The following ENPP3 variants were observed in gnomAD, a reference collection of about 807,000 sequenced individuals.
ENPP3 encodes the protein ectonucleotide pyrophosphatase/phosphodiesterase 3.
ENPP3 carries 104 observed loss-of-function variants against 117.8 expected under a neutral mutation model. The observed-to-expected ratio is 0.88, with a 90% CI of 0.75 to 1.04. The LOEUF is 1.04. ENPP3 is among the 50% of genes least tolerant of loss of function. The probability of loss-of-function intolerance (pLI) is 0.00; values close to 1 mark genes in which losing one functional copy is unlikely to be tolerated. For synonymous variants in ENPP3, 380 were observed against 349.9 expected (o/e 1.09, Z -0.96); for missense variants, 1,026 against 1,051.9 (o/e 0.98, Z 0.34).
chr6:131,736,362 C>T (rs1780396750), intron 21 of ENPP3, among the ~76,000 whole-genome samples: 1 of 152,190 alleles, frequency 6.6e-6, no homozygotes, highest in African/African-American at 2.4e-5. Flanking sequence ...CTGGCGATGC[C>T]TCACAATCAT....
chr6:131,679,051 T>TTCTTTCTTTCTTTCTA (rs1778958786), intron 11 of ENPP3, among the ~76,000 whole-genome samples: 1 of 126,034 alleles, frequency 7.9e-6, no homozygotes, highest in Non-Finnish European at 1.6e-5. Flanking sequence ...CTTTCTTTCT[T>TTCTTTCTTTCTTTCTA]TCTTTCTTTC....
rs372536386 is a variant in ENPP3, at chr6:131,718,769, T to G, written c.1479+31T>G. ...TTACTGCTTTTTTTTTTAACTTTTA[T>G]TTTAAGTTCAGGGGTACATGTACAG... is the stretch of plus-strand genomic sequence containing the variant. On this transcript the variant is annotated intron_variant, in intron 16 of 24. Transcript: ENST00000357639. 211 of 1,414,408 alleles carry G rather than the reference T, an allele frequency of 1.5e-4. 1 individual carries two copies. The highest frequency in any genetic ancestry group is 8.8e-5 in the Admixed American group (5 of 57,082). The allele number at this position is 1,414,408 out of a possible 1,614,324, so 87.6% of individuals were successfully genotyped here.
chr6:131,656,494 A>G (rs1473554433), intron 5 of ENPP3, among the ~76,000 whole-genome samples: 2 of 152,168 alleles, frequency 1.3e-5, no homozygotes, highest in African/African-American at 4.8e-5. Context: ...TAGGCCGGGC[A>G]TGGTGGCTCA....
chr6:131,658,192 C>T (rs1266192301), intron 5 of ENPP3, 131 bp from the exon 6 acceptor site: 2 of 565,338 alleles, frequency 3.5e-6, no homozygotes, highest in South Asian at 2.2e-5. Context: ...TAAAAAATGA[C>T]AGTGTCTGGC....
Position 131,693,610 on chromosome 6 carries a change from G to GT in ENPP3, c.1399dup (p.Trp467LeufsTer5). 5 of 1,613,350 alleles carry GT rather than the reference G, an allele frequency of 3.1e-6. No individual in the cohort carries two copies. The highest frequency in any genetic ancestry group is 4.2e-6 in the Non-Finnish European group (5 of 1,179,696). ...AAGTTCATCTCTTTGTGGATCAACA[G>GT]TGGCTGGCTGTTAGGTTCGTGTATC... On this transcript the variant is annotated frameshift_variant, in exon 15 of 25. Coordinates refer to ENST00000357639, the MANE Select transcript of ENPP3 (RefSeq NM_005021.5). LOFTEE classifies it high-confidence loss of function.
chr6:131,650,701 T>C (rs1241707764), intron 3 of ENPP3, among the ~76,000 whole-genome samples: 1 of 152,180 alleles, frequency 6.6e-6, no homozygotes, highest in African/African-American at 2.4e-5. Flanking sequence ...CAAAAGAGAA[T>C]CCGCTCCATG....
chr6:131,680,983 G>C (rs561956915), intron 11 of ENPP3, among the ~76,000 whole-genome samples: 3 of 152,042 alleles, frequency 2.0e-5, no homozygotes, highest in African/African-American at 7.2e-5. Context: ...AAACTGTAAA[G>C]AGTCCAATGG....
rs552125259 is a variant in ENPP3 at position 131,662,214 on chromosome 6, C to T, written c.562+3794C>T. ...TTTGAAGATCGGTTGACCATATAGG[C>T]TTGGATTTATTGATTTATTTCTGAG... On this transcript the variant is annotated intron_variant, in intron 6 of 24. Coordinates refer to ENST00000357639, the MANE Select transcript of ENPP3 (RefSeq NM_005021.5). 2.2e-3 allele frequency among the ~76,000 whole-genome samples: 338 copies of T among 151,678 alleles called. 1 individual carries two copies. The highest frequency in any genetic ancestry group is 3.8e-3 in the South Asian group (18 of 4,784).
chr6:131,681,393 T>C (rs1246597142), intron 11 of ENPP3, among the ~76,000 whole-genome samples: 2 of 152,174 alleles, frequency 1.3e-5, no homozygotes, highest in East Asian at 1.9e-4. Context: ...CTATCAGGCT[T>C]GTAAAATTCC....
chr6:131,672,234 G>T (rs1778759887), intron 7 of ENPP3, among the ~76,000 whole-genome samples: 1 of 152,268 alleles, frequency 6.6e-6, no homozygotes, highest in East Asian at 1.9e-4. Flanking sequence ...TGTTTTAGCT[G>T]TCATACTATA....
chr6:131,661,014 T>C (rs185557734), intron 6 of ENPP3, among the ~76,000 whole-genome samples: 1,814 of 152,364 alleles, frequency 0.012, 18 homozygotes, highest in Non-Finnish European at 0.018. Flanking sequence ...TTATTTCACT[T>C]AGTATGTCTT....
chr6:131,646,500 G>T (rs1371105029), intron 2 of ENPP3, among the ~76,000 whole-genome samples: 1 of 151,956 alleles, frequency 6.6e-6, no homozygotes, highest in Non-Finnish European at 1.5e-5. Context: ...TATGTCTGTT[G>T]TCTCTGTGAT....
chr6:131,645,603 G>A (rs1326173231), intron 2 of ENPP3, among the ~76,000 whole-genome samples: 2 of 152,156 alleles, frequency 1.3e-5, no homozygotes. Context: ...ATGCATGAGA[G>A]AGATAACTTG....
chr6:131,720,595 T>A (rs1173152075), intron 17 of ENPP3, among the ~76,000 whole-genome samples: 1 of 152,184 alleles, frequency 6.6e-6, no homozygotes, highest in Non-Finnish European at 1.5e-5. Context: ...TTTATTTTCA[T>A]TTTTGAGATG....
intron 21 of ENPP3, 53 bp downstream of exon 21, chr6:131,733,776 A>T (rs1293456301): frequency 1.3e-6 from 2 of 1,579,336 alleles, no homozygotes; most frequent in African/African-American, 1.3e-5. Flanking sequence ...CATCAGCTGG[A>T]TGTGGGCATG....
At chr6:131,681,299 C>T (rs556881562) in intron 11 of ENPP3, among the ~76,000 whole-genome samples, 3 of 152,242 alleles carry the variant, frequency 2.0e-5, no homozygotes, top group Non-Finnish European at 4.4e-5. Flanking sequence ...GTTTCCTGAC[C>T]TTTACAACTG....
At position 131,733,716 on chromosome 6, in the gene ENPP3, T is replaced by C; in HGVS notation, c.2082T>C (p.Tyr694=). 1 of 1,613,984 alleles carries C rather than the reference T, an allele frequency of 6.2e-7. No homozygotes were observed. The highest frequency in any genetic ancestry group is 2.2e-5 in the East Asian group (1 of 44,880). Residue 694 remains tyrosine, a synonymous_variant, in exon 21 of 25, where the codon TAT becomes TAC. Transcript: ENST00000357639. ...AGAATATCACCCACGGCTTCCTCTA[T>C]CCTCCTGGTTAGTAGAACTCTTTTT... The part of the protein sequence containing the change: ...ADKNITHGFL[Y]PPASNRTSDS...
At chr6:131,734,137 A>C (rs1185201890) in intron 21 of ENPP3, among the ~76,000 whole-genome samples, 1 of 152,162 alleles carries the variant, frequency 6.6e-6, no homozygotes, top group African/African-American at 2.4e-5. Flanking sequence ...TAAAATAGGA[A>C]TGATACAGAG....
intron 15 of ENPP3, among the ~76,000 whole-genome samples, chr6:131,715,499 G>C (rs1430520487): frequency 7.2e-6 from 1 of 138,982 alleles, no homozygotes; most frequent in Non-Finnish European, 1.5e-5. Context: ...TTCTGGTGCA[G>C]AGATTGCGGT....
Sources: gnomAD v4.1 joint callset for allele counts (sites outside exome capture counted in the v4.1 genomes callset) on GRCh38, gnomAD v4.1.1 for gene constraint, MANE v1.5 for transcripts, NCBI Gene and HGNC (gene_info 2026-07-23, HGNC 2026-07-21) for gene names.